The following PXDC1 variants were observed in gnomAD, a reference collection of about 807,000 sequenced individuals.
PXDC1 encodes the protein PX domain containing 1.
PXDC1 carries 13 observed loss-of-function variants against 24.4 expected under a neutral mutation model. The observed-to-expected ratio is 0.53, with a 90% confidence interval of 0.35 to 0.85. The LOEUF (loss-of-function observed/expected upper bound fraction) is 0.85, where lower values mean the gene tolerates loss of function less well. Among genes scored for constraint, PXDC1 ranks in the 40% least tolerant of loss-of-function variants. The pLI is 0.01. For synonymous variants in PXDC1, 162 were observed against 124.9 expected, an observed-to-expected ratio of 1.30 and a Z score of -1.98; for missense variants, 344 against 309.3, an observed-to-expected ratio of 1.11 and a Z score of -0.84.
At position 3,725,554 on chromosome 6, in the gene PXDC1, T is replaced by C. The variant is rs1365662333; in HGVS notation, c.579-1818A>G. Reference sequence around the variant, plus strand: ...TCGGGGCAGCCTGCTGAGACTCTGCTGTGGGGGCCCTGCTGTGGGCCCGGC... The same window carrying C: ...TCGGGGCAGCCTGCTGAGACTCTGCCGTGGGGGCCCTGCTGTGGGCCCGGC... On this transcript the variant is annotated intron_variant, in intron 4 of 4. Coordinates refer to ENST00000380283, the MANE Select transcript of PXDC1 (RefSeq NM_183373.4). The surrounding 1 kb of genome is among the most constrained non-coding windows in gnomAD (Gnocchi z 4.8). Among the ~76,000 whole-genome samples the C allele has an allele frequency of 6.6e-6, 1 of 152,172 alleles. No homozygotes were observed. Among genetic ancestry groups the C allele is most frequent in the Non-Finnish European group, 1.5e-5 (1 of 68,008 alleles).
intron 1 of PXDC1, among the ~76,000 whole-genome samples, chr6:3,740,164 C>G (rs1430738811): frequency 6.6e-6 from 1 of 152,208 alleles, no homozygotes; most frequent in Non-Finnish European, 1.5e-5. Context: ...AAAGCGTGAC[C>G]TAACAATTTA....
chr6:3,744,165 G>A (rs1760512039), intron 1 of PXDC1, among the ~76,000 whole-genome samples: 1 of 152,118 alleles, frequency 6.6e-6, no homozygotes, highest in Non-Finnish European at 1.5e-5. Context: ...CTAAATTTTA[G>A]ACTCAACATT....
chr6:3,730,237 C>G (rs1249956067), intron 3 of PXDC1, among the ~76,000 whole-genome samples: 1 of 152,140 alleles, frequency 6.6e-6, no homozygotes. Flanking sequence ...GCTGTCAGCC[C>G]CAGAACCTCG....
Position 3,727,721 on chromosome 6 carries a change from G to A in PXDC1, c.467-59C>T, listed in dbSNP as rs1239919603. The stretch of plus-strand genomic sequence containing the variant: ...AGGGGTCGGAGCTTGAGGTTTTGGA[G>A]TTTGGAACTTACTCCCATCTCCCTG... On this transcript the variant is annotated intron_variant, in intron 3 of 4. Coordinates refer to ENST00000380283, the MANE Select transcript of PXDC1 (RefSeq NM_183373.4). The A allele has an allele frequency of 4.5e-5, 51 of 1,135,604 alleles. No individual in the cohort carries two copies. In the Admixed American group the frequency reaches 8.6e-4, roughly 19 times the overall value. 70.3% of individuals were successfully genotyped at this position (1,135,604 alleles called of 1,614,324 possible). A position where few individuals can be genotyped will look rare whatever the true frequency, so the allele number is the denominator to read the frequency against.
At chr6:3,729,545 A>G (rs1461235297) in intron 3 of PXDC1, among the ~76,000 whole-genome samples, 2 of 152,232 alleles carry the variant, frequency 1.3e-5, no homozygotes. Flanking sequence ...ATCAGTGCCC[A>G]AAGTCTGGGG....
At chr6:3,732,232 G>A (rs948481546) in intron 3 of PXDC1, among the ~76,000 whole-genome samples, 3 of 152,134 alleles carry the variant, frequency 2.0e-5, no homozygotes, top group Admixed American at 6.5e-5. Flanking sequence ...CAGCAGACAC[G>A]CGGTCTCAGC....
In PXDC1 at chr6:3,723,191, T is replaced by G; in HGVS notation, c.*428A>C. The G allele has an allele frequency of 5.9e-6, 1 of 168,504 alleles. No individual in the cohort carries two copies. Among genetic ancestry groups the G allele is most frequent in the Non-Finnish European group, 1.3e-5 (1 of 79,588 alleles). The allele number at this position is 168,504 out of a possible 1,614,324, so 10.4% of individuals were successfully genotyped here. A position where few individuals can be genotyped will look rare whatever the true frequency, so the allele number is the denominator to read the frequency against. On this transcript the variant is annotated 3_prime_UTR_variant, in exon 5 of 5. Coordinates refer to ENST00000380283, the MANE Select transcript of PXDC1 (RefSeq NM_183373.4). Reference sequence around the variant, plus strand: ...ACTTGTCAAAATCTCCCTCAAGACGTTTTGTGCGTTTGCCGTGGGAGGGAA... The same window carrying G: ...ACTTGTCAAAATCTCCCTCAAGACGGTTTGTGCGTTTGCCGTGGGAGGGAA...
chr6:3,744,625 G>C (rs1760524221), intron 1 of PXDC1, among the ~76,000 whole-genome samples: 1 of 152,236 alleles, frequency 6.6e-6, no homozygotes, highest in South Asian at 2.1e-4. Context: ...TTGCCCATGA[G>C]GGACAAGGAG....
chr6:3,737,920 C>A lies in PXDC1; in HGVS notation c.348+137G>T, dbSNP rs1273745005. Reference sequence around the variant, plus strand: ...TCCACTCCGTCCCTATCGCCTGGTACTACCAGGGAGGGAACAAAACGGCTA... The same window carrying A: ...TCCACTCCGTCCCTATCGCCTGGTAATACCAGGGAGGGAACAAAACGGCTA... On this transcript the variant is annotated intron_variant, in intron 2 of 4. Coordinates refer to ENST00000380283, the MANE Select transcript of PXDC1 (RefSeq NM_183373.4). The surrounding 1 kb of genome is among the most constrained non-coding windows in gnomAD (Gnocchi z 5.5). 5.2e-6 allele frequency: 4 copies of A among 772,268 alleles called. No individual in the cohort carries two copies. Among genetic ancestry groups the A allele is most frequent in the African/African-American group, 3.5e-5 (2 of 57,458 alleles). The allele number at this position is 772,268 out of a possible 1,614,324, so 47.8% of individuals were successfully genotyped here.
At chr6:3,750,994 C>T (rs1011855013) in intron 1 of PXDC1, 45 of 415,302 alleles carry the variant, frequency 1.1e-4, no homozygotes, top group Admixed American at 1.9e-4. Context: ...AGTGACTCGT[C>T]CTCAGGGAGA....
In PXDC1 at chr6:3,740,363, C is replaced by G. The variant is rs544805155; in HGVS notation, c.257-2215G>C. Among the ~76,000 whole-genome samples, 13 of 152,326 alleles carry G rather than the reference C, an allele frequency of 8.5e-5. No homozygotes were observed. The South Asian group carries it at 2.5e-3, about 29-fold the overall frequency. On this transcript the variant is annotated intron_variant, in intron 1 of 4. Transcript: ENST00000380283. Reference sequence around the variant, plus strand: ...ATGGCCAAACTTGGCAAATAAGACACGTGATGCCTAATTAAATACGAATTT... The same window carrying G: ...ATGGCCAAACTTGGCAAATAAGACAGGTGATGCCTAATTAAATACGAATTT...
In PXDC1 at chr6:3,728,264, A is replaced by C. The variant is rs897929888; in HGVS notation, c.467-602T>G. ...CAAGCAGGGTACACTATACCCAGTA[A>C]GTAGTCTTTTATCCCTCACCCCACG... On this transcript the variant is annotated intron_variant, in intron 3 of 4. Coordinates refer to ENST00000380283, the MANE Select transcript of PXDC1 (RefSeq NM_183373.4). This position sits in a 1 kb window ranked among gnomAD's most constrained non-coding sequence, Gnocchi z 4.0. Among the ~76,000 whole-genome samples, 1 of 152,168 alleles carries C rather than the reference A, an allele frequency of 6.6e-6. No homozygotes were observed. The highest frequency in any genetic ancestry group is 2.4e-5 in the African/African-American group (1 of 41,422).
intron 3 of PXDC1, among the ~76,000 whole-genome samples, chr6:3,727,883 C>G (rs1760105696): frequency 1.3e-5 from 2 of 152,148 alleles, no homozygotes; most frequent in African/African-American, 4.8e-5. Context: ...TGCTGTGTGT[C>G]TCTCCCAAGA....
At chr6:3,732,341 C>T (rs1376198831) in intron 3 of PXDC1, among the ~76,000 whole-genome samples, 1 of 152,206 alleles carries the variant, frequency 6.6e-6, no homozygotes, top group Non-Finnish European at 1.5e-5. Context: ...CAAAGCAGTG[C>T]CCTTGTATTA....
At chr6:3,742,144 GACA>G (rs1453512167) in intron 1 of PXDC1, among the ~76,000 whole-genome samples, 1 of 152,194 alleles carries the variant, frequency 6.6e-6, no homozygotes, top group Non-Finnish European at 1.5e-5. Flanking sequence ...TCCAGGAACA[GACA>G]AGAACTATGA....
intron 1 of PXDC1, among the ~76,000 whole-genome samples, chr6:3,746,013 TA>T (rs1174540778): frequency 3.3e-5 from 5 of 152,108 alleles, no homozygotes; most frequent in Non-Finnish European, 7.4e-5. Context: ...TGTCACCACA[TA>T]TGGTGTGCGT....
At chr6:3,748,897 C>G (rs556927114) in intron 1 of PXDC1, among the ~76,000 whole-genome samples, 19 of 152,346 alleles carry the variant, frequency 1.2e-4, no homozygotes, top group African/African-American at 4.3e-4. Flanking sequence ...GCAAAGCACA[C>G]ACATCTGGCT....
intron 1 of PXDC1, among the ~76,000 whole-genome samples, chr6:3,740,534 G>A (rs1163757603): frequency 1.3e-5 from 2 of 152,174 alleles, no homozygotes; most frequent in African/African-American, 4.8e-5. Flanking sequence ...CTGAACTACA[G>A]AAAGGCAAGT....
chr6:3,745,075 T>A (rs1760536268), intron 1 of PXDC1, among the ~76,000 whole-genome samples: 1 of 152,168 alleles, frequency 6.6e-6, no homozygotes, highest in African/African-American at 2.4e-5. Context: ...CAGCACCAAT[T>A]CTAGTTTCTG....
Sources: gnomAD v4.1 joint callset for allele counts (sites outside exome capture counted in the v4.1 genomes callset) on GRCh38, gnomAD v4.1.1 for gene constraint, Gnocchi (gnomAD v3.1) non-coding constraint, MANE v1.5 for transcripts, NCBI Gene and HGNC (gene_info 2026-07-23, HGNC 2026-07-21) for gene names.